The following CACNA1D variants were observed in gnomAD, a reference collection of about 807,000 sequenced individuals.
CACNA1D encodes the protein calcium voltage-gated channel subunit alpha1 D.
In CACNA1D, 55 loss-of-function variants were observed where a neutral mutation model predicts 257.1. The observed-to-expected ratio is 0.21, with a 90% CI of 0.17 to 0.27. The LOEUF is 0.27. CACNA1D is among the 10% of genes least tolerant of loss of function. The pLI is 1.00. For synonymous variants in CACNA1D, 980 were observed against 1,014.9 expected (o/e 0.97, Z 0.65); for missense variants, 1,876 against 2,784.0 (o/e 0.67, Z 7.34).
At chr3:53,527,371 T>C (rs1011227345) in intron 3 of CACNA1D, among the ~76,000 whole-genome samples, 3 of 152,266 alleles carry the variant, frequency 2.0e-5, no homozygotes, top group Non-Finnish European at 4.4e-5. Context: ...TGAGTTCATA[T>C]AGTGAAAAAT....
chr3:53,604,688 T>C (rs1482311935), intron 3 of CACNA1D, among the ~76,000 whole-genome samples: 5 of 152,208 alleles, frequency 3.3e-5, no homozygotes, highest in Non-Finnish European at 7.3e-5. Flanking sequence ...GTGCCTTAAC[T>C]GTAAAGTGCT....
chr3:53,587,786 C>T (rs1449833480), intron 3 of CACNA1D, among the ~76,000 whole-genome samples: 3 of 152,120 alleles, frequency 2.0e-5, no homozygotes, highest in South Asian at 2.1e-4. Flanking sequence ...GGCTGTTCTG[C>T]GGGTCCCAGA....
At chr3:53,745,580 C>T in intron 23 of CACNA1D, 44 bp from the exon 24 acceptor site, 1 of 1,337,714 alleles carries the variant, frequency 7.5e-7, no homozygotes, top group Non-Finnish European at 1.1e-6. Flanking sequence ...CACCTCAAGG[C>T]CAAAATCACA....
chr3:53,755,967 C>T (rs2095262280), intron 29 of CACNA1D, among the ~76,000 whole-genome samples: 1 of 152,138 alleles, frequency 6.6e-6, no homozygotes, highest in Admixed American at 6.5e-5. Flanking sequence ...GAGGAGATGG[C>T]CACATGGGAC....
chr3:53,779,676 C>T (rs1157098304), intron 37 of CACNA1D, among the ~76,000 whole-genome samples: 1 of 152,048 alleles, frequency 6.6e-6, no homozygotes, highest in African/African-American at 2.4e-5. Flanking sequence ...TAAATCTTCC[C>T]CCACCTTTTT....
At chr3:53,718,651 G>A (rs899032763) in intron 10 of CACNA1D, 11 of 1,546,688 alleles carry the variant, frequency 7.1e-6, no homozygotes, top group Non-Finnish European at 9.6e-6. Flanking sequence ...AGAATGTGGT[G>A]GTTAACCTGG....
intron 15 of CACNA1D, 60 bp downstream of exon 15, chr3:53,727,059 C>T (rs2094942317): frequency 6.3e-6 from 10 of 1,599,924 alleles, no homozygotes; most frequent in Non-Finnish European, 8.6e-6. Flanking sequence ...TGTTTTTCTT[C>T]CTCTGCATTT....
rs867044671 is a variant in CACNA1D, at chr3:53,800,155, C to T, written c.4924-94C>T. 6 of 891,906 alleles carry T rather than the reference C, an allele frequency of 6.7e-6. No individual in the cohort carries two copies. Among genetic ancestry groups the T allele is most frequent in the African/African-American group, 3.3e-5 (2 of 61,090 alleles). The allele number at this position is 891,906 out of a possible 1,614,324, so 55.2% of individuals were successfully genotyped here. A position where few individuals can be genotyped will look rare whatever the true frequency, so the allele number is the denominator to read the frequency against. ...TTGGCTTTTGGGGAAGCCTTCCTCCCCACCGCTGAATCAGGAAGGAGCAAA... is the reference window on the plus strand; with the variant it reads ...TTGGCTTTTGGGGAAGCCTTCCTCCTCACCGCTGAATCAGGAAGGAGCAAA... On this transcript the variant is annotated intron_variant, in intron 40 of 47. Coordinates refer to ENST00000350061, the MANE Select transcript of CACNA1D (RefSeq NM_001128840.3). This position sits in a 1 kb window ranked among gnomAD's most constrained non-coding sequence, Gnocchi z 4.3.
intron 3 of CACNA1D, among the ~76,000 whole-genome samples, chr3:53,585,466 A>T (rs1290190273): frequency 2.0e-5 from 3 of 151,994 alleles, no homozygotes; most frequent in African/African-American, 7.3e-5. Flanking sequence ...AAAAACCCAG[A>T]CTCTTGAGTT....
intron 3 of CACNA1D, among the ~76,000 whole-genome samples, chr3:53,509,174 G>A (rs888628037): frequency 2.0e-5 from 3 of 151,848 alleles, no homozygotes; most frequent in Non-Finnish European, 2.9e-5. Context: ...TGTTTGGCTG[G>A]GCAGGCAAAG....
At chr3:53,784,199 G>T (rs1408975194) in intron 39 of CACNA1D, among the ~76,000 whole-genome samples, 1 of 152,148 alleles carries the variant, frequency 6.6e-6, no homozygotes, top group Non-Finnish European at 1.5e-5. Flanking sequence ...CTCAGCTCAG[G>T]TTCTCACCTC....
In CACNA1D at chr3:53,592,276, A is replaced by AGTGAAGG. The variant is rs142909870; in HGVS notation, c.484-58501_484-58495dup. The stretch of plus-strand genomic sequence containing the variant: ...GCCATGTAGGCAGGGATCTGAAAGA[A>AGTGAAGG]GTGAAGGGAGCAAGCTGTGAGGATA... On this transcript the variant is annotated intron_variant, in intron 3 of 47. Coordinates refer to ENST00000350061, the MANE Select transcript of CACNA1D (RefSeq NM_001128840.3). Among the ~76,000 whole-genome samples the AGTGAAGG allele has an allele frequency of 1.0e-3, 156 of 152,328 alleles. 1 individual carries two copies. In the East Asian group the frequency reaches 0.024, roughly 24 times the overall value.
At chr3:53,528,500 T>G (rs2091840352) in intron 3 of CACNA1D, among the ~76,000 whole-genome samples, 1 of 152,222 alleles carries the variant, frequency 6.6e-6, no homozygotes, top group Admixed American at 6.5e-5. Context: ...ACTACAAGAT[T>G]GTATTGGCTA....
At chr3:53,606,188 C>CT (rs1455186107) in intron 3 of CACNA1D, among the ~76,000 whole-genome samples, 2 of 152,188 alleles carry the variant, frequency 1.3e-5, no homozygotes, top group African/African-American at 4.8e-5. Context: ...TCAACTGTCT[C>CT]TTTTTTATCT....
At chr3:53,503,867 C>T (rs1168767167) in intron 3 of CACNA1D, among the ~76,000 whole-genome samples, 1 of 151,546 alleles carries the variant, frequency 6.6e-6, no homozygotes, top group Non-Finnish European at 1.5e-5. Flanking sequence ...TATTCTGAAA[C>T]TCATGGCATT....
At chr3:53,737,242 G>C (rs1008658566) in intron 20 of CACNA1D, among the ~76,000 whole-genome samples, 3 of 152,178 alleles carry the variant, frequency 2.0e-5, no homozygotes, top group Non-Finnish European at 4.4e-5. Context: ...CTGCACTCCA[G>C]CCTGGGCAAC....
chr3:53,710,734 C>T (rs1011511144), intron 9 of CACNA1D, among the ~76,000 whole-genome samples: 1 of 152,210 alleles, frequency 6.6e-6, no homozygotes, highest in Non-Finnish European at 1.5e-5. Context: ...CTTGATTCGG[C>T]ATGAATATTC....
At chr3:53,538,540 T>C (rs1189820206) in intron 3 of CACNA1D, among the ~76,000 whole-genome samples, 2 of 151,764 alleles carry the variant, frequency 1.3e-5, no homozygotes, top group Non-Finnish European at 2.9e-5. Context: ...TTTAAAAGTA[T>C]GATATATTTT....
At chr3:53,764,539 C>G (rs1464503772) in intron 30 of CACNA1D, among the ~76,000 whole-genome samples, 1 of 152,240 alleles carries the variant, frequency 6.6e-6, no homozygotes, top group East Asian at 1.9e-4. Flanking sequence ...GGTCTGTCCA[C>G]CTGGGGACAC....
Sources: allele counts gnomAD v4.1 joint callset (sites outside exome capture counted in the v4.1 genomes callset), GRCh38; gene constraint gnomAD v4.1.1; non-coding constraint Gnocchi (gnomAD v3.1); transcripts MANE v1.5; gene names NCBI Gene and HGNC (gene_info 2026-07-23, HGNC 2026-07-21).